Variants in CATSPER2 observed in about 807,000 individuals in gnomAD.
CATSPER2 encodes cation channel sperm-associated protein 2.
Under a neutral mutation model 68.8 loss-of-function variants are expected in CATSPER2, and 56 were observed. The observed-to-expected ratio is 0.81, with a 90% CI of 0.66 to 1.02. The LOEUF (loss-of-function observed/expected upper bound fraction) is 1.02. Among genes scored for constraint, CATSPER2 ranks in the 50% least tolerant of loss-of-function variants. The probability of loss-of-function intolerance (pLI) is 0.00; values close to 1 mark genes in which losing one functional copy is unlikely to be tolerated. For missense variants in CATSPER2, 582 were observed against 642.0 expected (o/e 0.91, Z 1.01); for synonymous variants, 198 against 229.9 (o/e 0.86, Z 1.26).
chr15:43,635,866 A>G (rs1466084778), intron 8 of CATSPER2, 40 bp from the exon 9 acceptor site: 2 of 1,580,734 alleles, frequency 1.3e-6, no homozygotes, highest in Admixed American at 3.4e-5. Flanking sequence ...GATGGTAATG[A>G]CTAGACTTGG....
Position 43,632,909 on chromosome 15 carries a change from C to A in CATSPER2, c.1204G>T (p.Glu402Ter). ...GACACTTCTGATAAGTCCAAACTTT[C>A]CCTTTGTTGACTAGCTCCTCTTGAA... ...DSSRGASQQR[E>*]SLDLSEVSEV... The change falls in exon 11 of 13, where the codon GAA becomes TAA. Residue 402 changes from glutamate to a stop codon, truncating the protein, a stop_gained. Coordinates refer to ENST00000396879, the MANE Select transcript of CATSPER2 (RefSeq NM_172095.4). LOFTEE classifies it high-confidence loss of function. 1 of 1,605,370 alleles carries A rather than the reference C, an allele frequency of 6.2e-7. No individual in the cohort carries two copies. Among genetic ancestry groups the A allele is most frequent in the Non-Finnish European group, 8.5e-7 (1 of 1,172,876 alleles).
chr15:43,647,217 G>C (rs1163630462), intron 3 of CATSPER2, 77 bp downstream of exon 3: 10 of 1,568,516 alleles, frequency 6.4e-6, no homozygotes, highest in Middle Eastern at 1.7e-4. Flanking sequence ...TGAGACAGTG[G>C]AGTATGGGGA....
intron 4 of CATSPER2, among the ~76,000 whole-genome samples, chr15:43,642,138 T>A (rs373425747): frequency 6.6e-6 from 1 of 151,686 alleles, no homozygotes. Flanking sequence ...TCTCGCTCTG[T>A]TGCCAAGATG....
intron 4 of CATSPER2, among the ~76,000 whole-genome samples, chr15:43,644,618 T>A (rs2141577843): frequency 6.6e-6 from 1 of 151,974 alleles, no homozygotes; most frequent in African/African-American, 2.4e-5. Context: ...TCCTGTCAGA[T>A]CAGCTGCGGC....
Position 43,632,863 on chromosome 15 carries a change from C to T in CATSPER2, c.1250G>A (p.Gly417Asp). 3.1e-6 allele frequency: 5 copies of T among 1,612,404 alleles called. No homozygotes were observed. Among genetic ancestry groups the T allele is most frequent in the Non-Finnish European group, 4.2e-6 (5 of 1,178,776 alleles). Residue 417 changes from glycine (G) to aspartate (D), a missense_variant, in exon 11 of 13, where the codon GGT becomes GAT. Physicochemically the swap from Gly to Asp is moderately conservative, Grantham distance 94. Transcript: ENST00000396879. ...TGTTATTAAATCCTCTTCAGTGGCA[C>T]CATAATTAGACTCTACTTCAGACAC... Reference protein sequence around the residue: ...SEVSEVESNYGATEEDLITSA... With the variant: ...SEVSEVESNYDATEEDLITSA...
chr15:43,648,836 C>A lies in CATSPER2; in HGVS notation c.-210G>T, dbSNP rs1021254264. The stretch of plus-strand genomic sequence containing the variant: ...CCCCTACCCACAGCCCAGGACCATG[C>A]GGAGCAACGCTCGCCCAGCCACTCG... On this transcript the variant is annotated 5_prime_UTR_variant, in exon 1 of 13. Coordinates refer to ENST00000396879, the MANE Select transcript of CATSPER2 (RefSeq NM_172095.4). The A allele has an allele frequency of 3.5e-5, 54 of 1,528,978 alleles. 3 individuals are homozygous for A. Among genetic ancestry groups the A allele is most frequent in the African/African-American group, 8.4e-5 (6 of 71,844 alleles). The allele number at this position is 1,528,978 out of a possible 1,614,324, so 94.7% of individuals were successfully genotyped here.
At chr15:43,633,437 C>T (rs1226602921) in intron 10 of CATSPER2, 3 of 179,232 alleles carry the variant, frequency 1.7e-5, no homozygotes, top group Non-Finnish European at 3.6e-5. Flanking sequence ...TTTCCCAGCA[C>T]TCTTCCCCCT....
intron 10 of CATSPER2, 82 bp downstream of exon 10, chr15:43,635,278 C>T (rs935045251): frequency 1.7e-5 from 22 of 1,271,662 alleles, no homozygotes; most frequent in Non-Finnish European, 2.5e-5. Context: ...TGAATTATCT[C>T]TCAAAGCCAA....
chr15:43,644,597 T>G (rs1484668248), intron 4 of CATSPER2, among the ~76,000 whole-genome samples: 1 of 151,944 alleles, frequency 6.6e-6, no homozygotes, highest in Non-Finnish European at 1.5e-5. Flanking sequence ...CATTACCGCC[T>G]GAGCTCCACC....
At position 43,639,665 on chromosome 15, in the gene CATSPER2, A is replaced by G; in HGVS notation, c.695T>C (p.Leu232Ser). The change falls in exon 6 of 13, where the codon TTG (leucine) becomes TCG (serine). Residue 232 changes from leucine (L) to serine (S), a missense_variant. Leu to Ser is a moderately radical substitution (Grantham distance 145, BLOSUM62 -2). Around this residue, in one of 5 missense-constraint regions of CATSPER2, gnomAD observed 91 missense variants for 72.8 expected, o/e 1.25. Coordinates refer to ENST00000396879, the MANE Select transcript of CATSPER2 (RefSeq NM_172095.4). ...CACCTTGAGGGCCCTGACCAGGACCAAAATAATAATTTGAATTTGACGGAA... is the reference window on the plus strand; with the variant it reads ...CACCTTGAGGGCCCTGACCAGGACCGAAATAATAATTTGAATTTGACGGAA... ...AQFRQIQIII[L>S]VLVRALKSMT... 1 of 1,613,200 alleles carries G rather than the reference A, an allele frequency of 6.2e-7. No individual in the cohort carries two copies. The highest frequency in any genetic ancestry group is 8.5e-7 in the Non-Finnish European group (1 of 1,179,608).
rs374387375 is a variant in CATSPER2, at chr15:43,632,709, C to T, written c.1396+8G>A. On this transcript the variant is annotated splice_region_variant and intron_variant, in intron 11 of 12. Coordinates refer to ENST00000396879, the MANE Select transcript of CATSPER2 (RefSeq NM_172095.4). ...GAAAAAACTCATTATTATAGTTCTT[C>T]GGCTCACCAATAGATTCAGAAAATC... 1.6e-5 allele frequency: 26 copies of T among 1,613,072 alleles called. No homozygotes were observed. The highest frequency in any genetic ancestry group is 1.5e-4 in the African/African-American group (11 of 74,810).
chr15:43,638,815 C>A (rs144487721), intron 7 of CATSPER2, 89 bp downstream of exon 7: 2 of 1,483,900 alleles, frequency 1.3e-6, no homozygotes, highest in Non-Finnish European at 1.9e-6. Flanking sequence ...GAATAGACTG[C>A]ACTTTTTATA....
At chr15:43,631,750 T>A (rs886348150) in intron 12 of CATSPER2, among the ~76,000 whole-genome samples, 18 of 151,926 alleles carry the variant, frequency 1.2e-4, no homozygotes, top group African/African-American at 4.4e-4. Flanking sequence ...TGAGCACGTG[T>A]GGGCATACTG....
chr15:43,630,713 C>T lies in CATSPER2; in HGVS notation c.1581G>A (p.Leu527=). 6.2e-7 allele frequency: 1 copy of T among 1,611,944 alleles called. No individual in the cohort carries two copies. Among genetic ancestry groups the T allele is most frequent in the South Asian group, 1.1e-5 (1 of 90,972 alleles). The change falls in exon 13 of 13, where the codon TTG becomes TTA. Residue 527 remains leucine (L), a synonymous_variant. Coordinates refer to ENST00000396879, the MANE Select transcript of CATSPER2 (RefSeq NM_172095.4). ...QEFAVQALMN[L]EDK ...GCCATCCATTGCTTTACTTGTCTTC[C>T]AAGTTCATCAGTGCCTGCACTGCAA...
In CATSPER2 at chr15:43,639,668, A is replaced by G; in HGVS notation, c.692T>C (p.Ile231Thr). The change falls in exon 6 of 13, where the codon ATT becomes ACT. Residue 231 changes from isoleucine (I) to threonine (T), a missense_variant. This residue lies in a region of CATSPER2 where 91 missense variants were observed against 72.8 expected (regional missense o/e 1.25). Coordinates refer to ENST00000396879, the MANE Select transcript of CATSPER2 (RefSeq NM_172095.4). ...LAQFRQIQIIILVLVRALKSM... is the reference protein window; with the variant it reads ...LAQFRQIQIITLVLVRALKSM... ...CTTGAGGGCCCTGACCAGGACCAAA[A>G]TAATAATTTGAATTTGACGGAATTG... 6.2e-7 allele frequency: 1 copy of G among 1,613,122 alleles called. No individual in the cohort carries two copies. Among genetic ancestry groups the G allele is most frequent in the East Asian group, 2.2e-5 (1 of 44,842 alleles).
chr15:43,630,878 C>G, intron 12 of CATSPER2, 146 bp from the exon 13 acceptor site: 1 of 1,538,070 alleles, frequency 6.5e-7, no homozygotes, highest in Non-Finnish European at 8.8e-7. Context: ...TCTGTGTACT[C>G]TTTGCCATAG....
At position 43,648,019 on chromosome 15, in the gene CATSPER2, C is replaced by T; in HGVS notation, c.43G>A (p.Ala15Thr). 2 of 1,613,656 alleles carry T rather than the reference C, an allele frequency of 1.2e-6. No homozygotes were observed. The highest frequency in any genetic ancestry group is 2.2e-5 in the South Asian group (2 of 91,042). Residue 15 changes from alanine to threonine, a missense_variant, in exon 2 of 13, where the codon GCT (alanine) becomes ACT (threonine). Physicochemically the swap from Ala to Thr is moderately conservative, Grantham distance 58. This residue lies in a region of CATSPER2 where 197 missense variants were observed against 191.0 expected (regional missense o/e 1.03). Transcript: ENST00000396879. ...QQEEQMQLPR[A>T]DAIRSRLIDT... ...ATGAGACGTGAACGAATGGCATCAG[C>T]TCGGGGAAGCTGCATCTGCTCTTCT...
chr15:43,638,189 G>T (rs2085999427), intron 7 of CATSPER2, among the ~76,000 whole-genome samples: 1 of 150,724 alleles, frequency 6.6e-6, no homozygotes, highest in Non-Finnish European at 1.5e-5. Context: ...TCCTGACTCA[G>T]GTGATCCACC....
At chr15:43,646,950 C>T (rs1247020925) in intron 4 of CATSPER2, 100 bp downstream of exon 4, 1 of 1,001,308 alleles carries the variant, frequency 1.0e-6, no homozygotes, top group African/African-American at 1.6e-5. Context: ...CTCCTGAGCT[C>T]CGGCAATCCA....
Sources: allele counts gnomAD v4.1 joint callset (sites outside exome capture counted in the v4.1 genomes callset), GRCh38; gene constraint gnomAD v4.1.1; regional missense constraint gnomAD v4.1.1; transcripts MANE v1.5; gene names NCBI Gene and HGNC (gene_info 2026-07-23, HGNC 2026-07-21).